RFX4: variants seen among roughly 807,000 people sequenced by gnomAD.
RFX4 encodes transcription factor RFX4.
Under a neutral mutation model 95.0 loss-of-function variants are expected in RFX4, and 10 were observed. That is an observed-to-expected ratio of 0.11 (90% CI 0.06 to 0.18). RFX4 has a LOEUF of 0.18. RFX4 is among the 10% of genes least tolerant of loss of function. RFX4 has a pLI of 1.00. For synonymous variants in RFX4, 321 were observed against 340.7 expected (o/e 0.94, Z 0.64); for missense variants, 640 against 922.0 (o/e 0.69, Z 3.96).
At chr12:106,750,607 C>G in intron 16 of RFX4, 48 bp from the exon 17 acceptor site, 1 of 1,408,130 alleles carries the variant, frequency 7.1e-7, no homozygotes, top group Non-Finnish European at 9.3e-7. Context: ...TCAAACTGAT[C>G]TGTTCTTGCT....
intron 1 of RFX4, chr12:106,601,149 A>G (rs561187910): frequency 3.5e-6 from 5 of 1,446,818 alleles, no homozygotes; most frequent in Admixed American, 2.6e-5. Flanking sequence ...TGCCATGGCA[A>G]CCCACTGACC....
chr12:106,594,355 T>G (rs2039585304), intron 1 of RFX4, among the ~76,000 whole-genome samples: 1 of 152,210 alleles, frequency 6.6e-6, no homozygotes, highest in African/African-American at 2.4e-5. Flanking sequence ...TGAACTTTTA[T>G]TTTCAACTCA....
At chr12:106,587,599 T>A (rs2039479067) in intron 1 of RFX4, among the ~76,000 whole-genome samples, 1 of 152,168 alleles carries the variant, frequency 6.6e-6, no homozygotes, top group Admixed American at 6.5e-5. Flanking sequence ...GAGCCCTTGC[T>A]CCCTCCCTCC....
rs1302345048 is a variant in RFX4 at position 106,605,807 on chromosome 12, T to A, written c.44-2990T>A. On this transcript the variant is annotated intron_variant, in intron 1 of 17. Transcript: ENST00000392842. ...TGCAATGTGCCAGTGAGACCAGACT[T>A]ATTCTGGATTGCCCCAGGGAGCAGA... Among the ~76,000 whole-genome samples, 4 of 152,162 alleles carry A rather than the reference T, an allele frequency of 2.6e-5. No homozygotes were observed. The South Asian group carries it at 8.3e-4, about 32-fold the overall frequency.
intron 2 of RFX4, among the ~76,000 whole-genome samples, chr12:106,627,359 A>G (rs1005991104): frequency 6.6e-6 from 1 of 152,122 alleles, no homozygotes; most frequent in Non-Finnish European, 1.5e-5. Context: ...CCATGGTGAA[A>G]ACCCGTCTCT....
rs139488317 is a variant in RFX4, at chr12:106,603,568, G to A, written c.44-5229G>A. Among the ~76,000 whole-genome samples, 1,174 of 152,318 alleles carry A rather than the reference G, an allele frequency of 7.7e-3. 8 individuals carry two copies. The highest frequency in any genetic ancestry group is 0.027 in the African/African-American group (1,116 of 41,568). On this transcript the variant is annotated intron_variant, in intron 1 of 17. Coordinates refer to ENST00000392842, the MANE Select transcript of RFX4 (RefSeq NM_213594.3). Reference sequence around the variant, plus strand: ...TCACAGCCCAGGAGCCTCTGCTCACGGCTGTAGGCAAATCCCGTTGGGCAC... The same window carrying A: ...TCACAGCCCAGGAGCCTCTGCTCACAGCTGTAGGCAAATCCCGTTGGGCAC...
chr12:106,741,387 G>A (rs1374230548), intron 15 of RFX4, among the ~76,000 whole-genome samples: 1 of 152,172 alleles, frequency 6.6e-6, no homozygotes, highest in East Asian at 1.9e-4. Flanking sequence ...TACAGGAAAT[G>A]CTTGTTTAGT....
chr12:106,681,528 G>A (rs1450229018), intron 4 of RFX4, among the ~76,000 whole-genome samples: 1 of 152,208 alleles, frequency 6.6e-6, no homozygotes, highest in Non-Finnish European at 1.5e-5. Context: ...GGGGAGCAAC[G>A]CTGGTGTGTT....
chr12:106,760,061 C>A (rs1470621678), intron 17 of RFX4, among the ~76,000 whole-genome samples: 1 of 152,154 alleles, frequency 6.6e-6, no homozygotes, highest in Admixed American at 6.5e-5. Context: ...CTGTCTGTCT[C>A]CCTCACAGGA....
intron 2 of RFX4, among the ~76,000 whole-genome samples, chr12:106,626,692 T>C (rs1253449322): frequency 6.6e-6 from 1 of 152,126 alleles, no homozygotes; most frequent in Non-Finnish European, 1.5e-5. Context: ...AGGCAGGTGT[T>C]AGAGGGTTTG....
intron 15 of RFX4, among the ~76,000 whole-genome samples, chr12:106,734,557 C>T (rs1236132348): frequency 1.3e-5 from 2 of 151,130 alleles, no homozygotes; most frequent in Admixed American, 6.6e-5. Flanking sequence ...GATCGCTCCA[C>T]TGCACTCCAG....
At chr12:106,723,995 AAATT>A (rs1327503540) in intron 13 of RFX4, among the ~76,000 whole-genome samples, 1 of 152,206 alleles carries the variant, frequency 6.6e-6, no homozygotes, top group East Asian at 1.9e-4. Context: ...AGGTAAAAGA[AAATT>A]AATAACAACA....
chr12:106,599,431 A>G (rs2039667141), intron 1 of RFX4, among the ~76,000 whole-genome samples: 1 of 152,108 alleles, frequency 6.6e-6, no homozygotes, highest in Non-Finnish European at 1.5e-5. Context: ...ATCCCTGCTC[A>G]GCAGCTTAAC....
chr12:106,643,236 T>A (rs1306123707), intron 3 of RFX4, among the ~76,000 whole-genome samples: 3 of 152,128 alleles, frequency 2.0e-5, no homozygotes, highest in Non-Finnish European at 4.4e-5. Context: ...AATGTCTCAG[T>A]GCCTCAGGGC....
chr12:106,761,312 G>A lies in RFX4; in HGVS notation c.2051G>A (p.Cys684Tyr). The change falls in exon 18 of 18, where the codon TGC (cysteine) becomes TAC (tyrosine). Residue 684 changes from cysteine (C) to tyrosine (Y), a missense_variant. Cys to Tyr is a radical substitution (Grantham distance 194). Around this residue, in one of 7 missense-constraint regions of RFX4, gnomAD observed 300 missense variants for 346.8 expected, o/e 0.87. Transcript: ENST00000392842. ...CCAGAGGTGCCCTCAGCCAACACGT[G>A]CTACACAAGCCCGTCTGTGCATTCT... ...RWPEVPSANT[C>Y]YTSPSVHSAR... is the part of the protein sequence containing the mutation. 1 of 1,614,056 alleles carries A rather than the reference G, an allele frequency of 6.2e-7. No individual in the cohort carries two copies. Among genetic ancestry groups the A allele is most frequent in the South Asian group, 1.1e-5 (1 of 91,082 alleles).
intron 8 of RFX4, among the ~76,000 whole-genome samples, chr12:106,706,884 A>G (rs566422597): frequency 6.6e-6 from 1 of 152,368 alleles, no homozygotes; most frequent in Non-Finnish European, 1.5e-5. Context: ...TTAAGGAATT[A>G]CTATTCATTC....
chr12:106,720,632 C>T lies in RFX4; in HGVS notation c.1234-127C>T. ...CTCCTAGGCTCATGCGATCATCCGC[C>T]CACCTTGGCCTCCCAAAGTGCTGGG... is the stretch of plus-strand genomic sequence containing the variant. On this transcript the variant is annotated intron_variant, in intron 12 of 17. Transcript: ENST00000392842. This position sits in a 1 kb window ranked among gnomAD's most constrained non-coding sequence, Gnocchi z 4.2. 1.2e-6 allele frequency: 1 copy of T among 836,678 alleles called. No homozygotes were observed. Among genetic ancestry groups the T allele is most frequent in the Non-Finnish European group, 2.0e-6 (1 of 501,668 alleles). 51.8% of individuals were successfully genotyped at this position (836,678 alleles called of 1,614,324 possible).
In RFX4 at chr12:106,656,978, C is replaced by T. The variant is rs556213422; in HGVS notation, c.315+2627C>T. 3.3e-5 allele frequency among the ~76,000 whole-genome samples: 5 copies of T among 152,324 alleles called. No homozygotes were observed. In the East Asian group the frequency reaches 5.8e-4, roughly 18 times the overall value. On this transcript the variant is annotated intron_variant, in intron 4 of 17. Coordinates refer to ENST00000392842, the MANE Select transcript of RFX4 (RefSeq NM_213594.3). ...CAAATGCAAATGCTCTGTGCAGCTG[C>T]CTTGCCATCAGTTTCAAATGGACTG...
chr12:106,742,967 T>G (rs1593005883), intron 15 of RFX4, among the ~76,000 whole-genome samples: 2 of 152,240 alleles, frequency 1.3e-5, no homozygotes, highest in Admixed American at 1.3e-4. Flanking sequence ...GCACCCTTCC[T>G]GTCCTGTGCT....
Sources: gnomAD v4.1 joint callset for allele counts (sites outside exome capture counted in the v4.1 genomes callset) on GRCh38, gnomAD v4.1.1 for gene constraint, gnomAD v4.1.1 regional missense constraint, Gnocchi (gnomAD v3.1) non-coding constraint, MANE v1.5 for transcripts, NCBI Gene and HGNC (gene_info 2026-07-23, HGNC 2026-07-21) for gene names.